The following MSRA variants were observed in gnomAD, a reference collection of about 807,000 sequenced individuals.
MSRA encodes the protein mitochondrial peptide methionine sulfoxide reductase.
Under a neutral mutation model 31.3 loss-of-function variants are expected in MSRA, and 54 were observed. The observed-to-expected ratio is 1.73, with a 90% CI of 1.39 to 2.17. The LOEUF is 2.17. Among genes scored for constraint, MSRA ranks in the 30% most tolerant of loss-of-function variants. The pLI, the probability that MSRA is intolerant of heterozygous loss-of-function variation, is 0.00. For missense variants in MSRA, 507 were observed against 300.9 expected (o/e 1.69, Z -5.07); for synonymous variants, 169 against 116.5 (o/e 1.45, Z -2.90).
Position 10,207,885 on chromosome 8 carries a change from A to G in MSRA, c.195A>G (p.Thr65=), listed in dbSNP as rs985931456. 1 of 1,612,706 alleles carries G rather than the reference A, an allele frequency of 6.2e-7. No homozygotes were observed. Among genetic ancestry groups the G allele is most frequent in the African/African-American group, 1.3e-5 (1 of 75,008 alleles). ...CAGTCGAACCTTTCCCAGAGGGAAC[A>G]CAGATGGCTGTATTTGGTAAGATAT... is the stretch of plus-strand genomic sequence containing the variant. The part of the protein sequence containing the change: ...NRTVEPFPEG[T]QMAVFGMGCF... Residue 65 remains threonine (T), a synonymous_variant, in exon 2 of 6, where the codon ACA becomes ACG. Coordinates refer to ENST00000317173, the MANE Select transcript of MSRA (RefSeq NM_012331.5).
intron 1 of MSRA, among the ~76,000 whole-genome samples, chr8:10,099,300 T>TGAG (rs1249885126): frequency 6.6e-6 from 1 of 152,110 alleles, no homozygotes; most frequent in African/African-American, 2.4e-5. Flanking sequence ...GGAATGGAGA[T>TGAG]GAGGAGTGTC....
At chr8:10,401,605 A>C (rs4292737) in intron 5 of MSRA, among the ~76,000 whole-genome samples, 1 of 151,876 alleles carries the variant, frequency 6.6e-6, no homozygotes, top group African/African-American at 2.4e-5. Flanking sequence ...AAACCTGTAC[A>C]CCTGTGTTCT....
intron 5 of MSRA, among the ~76,000 whole-genome samples, chr8:10,336,268 GA>G (rs1370020851): frequency 1.3e-5 from 2 of 151,892 alleles, no homozygotes; most frequent in Non-Finnish European, 2.9e-5. Flanking sequence ...AATACTGTGA[GA>G]AAAAAATAGG....
chr8:10,208,684 C>T (rs376619124), intron 2 of MSRA, among the ~76,000 whole-genome samples: 1 of 152,126 alleles, frequency 6.6e-6, no homozygotes, highest in East Asian at 1.9e-4. Context: ...AAAATGACGA[C>T]CTCTGTGCTC....
chr8:10,066,972 C>A (rs903200629), intron 1 of MSRA, among the ~76,000 whole-genome samples: 3 of 151,484 alleles, frequency 2.0e-5, no homozygotes, highest in African/African-American at 7.3e-5. Flanking sequence ...CCCCTGTTAA[C>A]GTCTTGCTTT....
intron 5 of MSRA, among the ~76,000 whole-genome samples, chr8:10,405,195 C>CT (rs1384231062): frequency 6.6e-6 from 1 of 152,202 alleles, no homozygotes; most frequent in East Asian, 1.9e-4. Context: ...TGAGCCCAGC[C>CT]TCCCTCTGGG....
chr8:10,120,505 G>T (rs758757590), intron 1 of MSRA, among the ~76,000 whole-genome samples: 20 of 152,156 alleles, frequency 1.3e-4, no homozygotes, highest in Non-Finnish European at 2.6e-4. Flanking sequence ...AAAATACTAA[G>T]CTAAAATGTT....
intron 5 of MSRA, among the ~76,000 whole-genome samples, chr8:10,367,348 C>T (rs942388706): frequency 6.6e-6 from 1 of 152,176 alleles, no homozygotes; most frequent in Non-Finnish European, 1.5e-5. Flanking sequence ...TTGCGATAAT[C>T]TCTTACTGTG....
chr8:10,197,400 C>T (rs561856582), intron 1 of MSRA, among the ~76,000 whole-genome samples: 42 of 152,156 alleles, frequency 2.8e-4, no homozygotes, highest in African/African-American at 9.2e-4. Context: ...TGGTGCTTGC[C>T]GGAGATGCAG....
At chr8:10,068,320 T>G (rs1203786654) in intron 1 of MSRA, among the ~76,000 whole-genome samples, 1 of 152,254 alleles carries the variant, frequency 6.6e-6, no homozygotes, top group African/African-American at 2.4e-5. Flanking sequence ...GTTTTTAATT[T>G]AAATGACATC....
chr8:10,096,543 C>T (rs1000905306), intron 1 of MSRA, among the ~76,000 whole-genome samples: 49 of 152,246 alleles, frequency 3.2e-4, no homozygotes, highest in African/African-American at 1.1e-3. Flanking sequence ...GTTTGCAATA[C>T]TTGGAGAAAA....
intron 2 of MSRA, among the ~76,000 whole-genome samples, chr8:10,235,729 A>C (rs920376162): frequency 6.6e-6 from 1 of 152,176 alleles, no homozygotes; most frequent in Non-Finnish European, 1.5e-5. Context: ...TTTTATTGTA[A>C]CTTCACGGAA....
chr8:10,414,423 G>A (rs147837327), intron 5 of MSRA, among the ~76,000 whole-genome samples: 5 of 152,246 alleles, frequency 3.3e-5, no homozygotes, highest in African/African-American at 7.2e-5. Flanking sequence ...TTCTGCAGTC[G>A]GTGTGACCCA....
chr8:10,367,368 T>G (rs1481863907), intron 5 of MSRA, among the ~76,000 whole-genome samples: 1 of 152,212 alleles, frequency 6.6e-6, no homozygotes, highest in Non-Finnish European at 1.5e-5. Context: ...GCCTAATTTA[T>G]AAATAAAACT....
At chr8:10,320,099 C>G (rs1801963797) in intron 5 of MSRA, 110 bp downstream of exon 5, 2 of 649,260 alleles carry the variant, frequency 3.1e-6, no homozygotes, top group South Asian at 4.7e-5. Context: ...GTTTTATTTG[C>G]ACATCTCTTA....
chr8:10,074,058 CTTTTTTTTTTTTTTTTTTTTTTTTT>C (rs534642712), intron 1 of MSRA, among the ~76,000 whole-genome samples: 2,010 of 29,508 alleles, frequency 0.068, 64 homozygotes, highest in Middle Eastern at 0.16. Context: ...AAGGGAGGTG[CTTTTTTTTTTTTTTTTTTTTTTTTT>C]TTTTTTTTTT....
intron 3 of MSRA, among the ~76,000 whole-genome samples, chr8:10,265,225 T>C (rs577820785): frequency 1.3e-5 from 2 of 152,202 alleles, no homozygotes; most frequent in East Asian, 3.9e-4. Flanking sequence ...CTGGGTCATA[T>C]ACCACGTGAT....
intron 1 of MSRA, among the ~76,000 whole-genome samples, chr8:10,162,045 C>T (rs10107960): frequency 6.6e-6 from 1 of 152,186 alleles, no homozygotes; most frequent in Non-Finnish European, 1.5e-5. Flanking sequence ...GTCCTAGATT[C>T]TGTGAGACAC....
chr8:10,253,043 T>G (rs1362431682), intron 3 of MSRA, among the ~76,000 whole-genome samples: 1 of 152,186 alleles, frequency 6.6e-6, no homozygotes, highest in Non-Finnish European at 1.5e-5. Flanking sequence ...CCCAGTTATT[T>G]AAATCCAGCA....
Sources: allele counts gnomAD v4.1 joint callset (sites outside exome capture counted in the v4.1 genomes callset), GRCh38; gene constraint gnomAD v4.1.1; transcripts MANE v1.5; gene names NCBI Gene and HGNC (gene_info 2026-07-23, HGNC 2026-07-21).